KDM2B: variants seen among roughly 807,000 people sequenced by gnomAD.
KDM2B encodes the protein lysine demethylase 2B.
In KDM2B, 26 loss-of-function variants were observed where a neutral mutation model predicts 150.0. The ratio of observed to expected loss-of-function variants is 0.17; its 90% CI spans 0.13 to 0.24. KDM2B has a LOEUF of 0.24. Among genes scored for constraint, KDM2B ranks in the 10% least tolerant of loss-of-function variants. The pLI is 1.00. For synonymous variants in KDM2B, 734 were observed against 729.5 expected, an observed-to-expected ratio of 1.01 and a Z score of -0.10; for missense variants, 1,265 against 1,816.9, an observed-to-expected ratio of 0.70 and a Z score of 5.52.
rs1481723851 is a variant in KDM2B, at chr12:121,518,039, C to T, written c.1047+2946G>A. On this transcript the variant is annotated intron_variant, in intron 9 of 22. Coordinates refer to ENST00000377071, the MANE Select transcript of KDM2B (RefSeq NM_032590.5). The surrounding 1 kb of genome is among the most constrained non-coding windows in gnomAD (Gnocchi z 4.4). ...TCCTGAGTAGCTGGGATTACAGGCACACACCACCATGCTCGGCTAATTTTT... is the reference window on the plus strand; with the variant it reads ...TCCTGAGTAGCTGGGATTACAGGCATACACCACCATGCTCGGCTAATTTTT... Among the ~76,000 whole-genome samples the T allele has an allele frequency of 5.3e-5, 8 of 151,358 alleles. No individual in the cohort carries two copies. Among genetic ancestry groups the T allele is most frequent in the Admixed American group, 3.3e-4 (5 of 15,164 alleles).
In KDM2B at chr12:121,521,665, A is replaced by G. The variant is rs1435065637; in HGVS notation, c.932-565T>C. Reference sequence around the variant, plus strand: ...TTCCATGTGGTCTCCTTGGTCACACAACGCCTGCATGCCCCCCTCAGCTCT... The same window carrying G: ...TTCCATGTGGTCTCCTTGGTCACACGACGCCTGCATGCCCCCCTCAGCTCT... On this transcript the variant is annotated intron_variant, in intron 8 of 22. Coordinates refer to ENST00000377071, the MANE Select transcript of KDM2B (RefSeq NM_032590.5). The surrounding 1 kb of genome is among the most constrained non-coding windows in gnomAD (Gnocchi z 4.9). Among the ~76,000 whole-genome samples, 1 of 152,078 alleles carries G rather than the reference A, an allele frequency of 6.6e-6. No homozygotes were observed. The highest frequency in any genetic ancestry group is 1.5e-5 in the Non-Finnish European group (1 of 68,008).
the KDM2B span, chr12:121,416,062 AG>A: frequency 2.2e-6 from 2 of 929,446 alleles, no homozygotes; most frequent in Admixed American, 4.3e-5. Flanking sequence ...AAAGTTATTG[AG>A]GGCAAACTTA....
intron 4 of KDM2B, among the ~76,000 whole-genome samples, chr12:121,551,605 T>A (rs537627035): frequency 6.6e-6 from 1 of 152,060 alleles, no homozygotes; most frequent in Non-Finnish European, 1.5e-5. Context: ...CAGGTTGGAG[T>A]ATAGTGGCAC....
chr12:121,456,335 A>G (rs1358040071), intron 12 of KDM2B, among the ~76,000 whole-genome samples: 1 of 152,218 alleles, frequency 6.6e-6, no homozygotes, highest in East Asian at 1.9e-4. Flanking sequence ...CTTCCAGAGA[A>G]GCGGAAATCC....
chr12:121,545,039 G>A (rs1888915952), intron 6 of KDM2B, among the ~76,000 whole-genome samples: 1 of 152,284 alleles, frequency 6.6e-6, no homozygotes, highest in African/African-American at 2.4e-5. Context: ...CTTCCCTCAG[G>A]TGTGCTGACA....
At chr12:121,425,850 TC>T (rs1349403692), downstream of KDM2B, among the ~76,000 whole-genome samples, 1 of 151,684 alleles carries the variant, frequency 6.6e-6, no homozygotes, top group Non-Finnish European at 1.5e-5. Context: ...CACTGCAAAT[TC>T]CACCTCCTGG....
rs546173589 is a variant in KDM2B, at chr12:121,536,709, C to T, written c.684-2119G>A. Among the ~76,000 whole-genome samples, 13 of 151,536 alleles carry T rather than the reference C, an allele frequency of 8.6e-5. No individual in the cohort carries two copies. The South Asian group carries it at 2.7e-3, about 32-fold the overall frequency. ...AATCTAACCTTGGTTTCCACCCCCT[C>T]CAGGCCTCAGCTGAACACAGTCTAG... On this transcript the variant is annotated intron_variant, in intron 6 of 22. Coordinates refer to ENST00000377071, the MANE Select transcript of KDM2B (RefSeq NM_032590.5).
chr12:121,448,135 G>A (rs144661346), intron 13 of KDM2B, among the ~76,000 whole-genome samples: 126 of 151,846 alleles, frequency 8.3e-4, no homozygotes, highest in African/African-American at 3.0e-3. Flanking sequence ...CCTGGGCAAC[G>A]TGGCAAAACC....
chr12:121,431,830 G>A (rs1873074093), intron 22 of KDM2B, among the ~76,000 whole-genome samples: 1 of 151,762 alleles, frequency 6.6e-6, no homozygotes, highest in African/African-American at 2.4e-5. Flanking sequence ...GGGAAAACGA[G>A]AGATGCTTCA....
chr12:121,533,482 C>A lies in KDM2B; in HGVS notation c.778-523G>T, dbSNP rs1398666093. ...CAGGCTTATTTTCAAGAAGCACCCA[C>A]CTCCATCAGGGACACCCACATCCCC... On this transcript the variant is annotated intron_variant, in intron 7 of 22. Coordinates refer to ENST00000377071, the MANE Select transcript of KDM2B (RefSeq NM_032590.5). The surrounding 1 kb of genome is among the most constrained non-coding windows in gnomAD (Gnocchi z 4.1). Among the ~76,000 whole-genome samples the A allele has an allele frequency of 7.9e-5, 12 of 152,162 alleles. No individual in the cohort carries two copies. The highest frequency in any genetic ancestry group is 7.9e-4 in the Admixed American group (12 of 15,272).
rs782735271 is a variant in KDM2B at position 121,442,344 on chromosome 12, G to A, written c.3097C>T (p.Pro1033Ser). The A allele has an allele frequency of 3.1e-6, 5 of 1,595,802 alleles. No homozygotes were observed. The highest frequency in any genetic ancestry group is 4.3e-6 in the Non-Finnish European group (5 of 1,169,600). Residue 1033 changes from proline to serine, a missense_variant, in exon 19 of 23, where the codon CCC (proline) becomes TCC (serine). By Grantham distance (74) the Pro-to-Ser change is moderately conservative. This residue lies in a region of KDM2B where 418 missense variants were observed against 402.4 expected (regional missense o/e 1.04). Coordinates refer to ENST00000377071, the MANE Select transcript of KDM2B (RefSeq NM_032590.5). This position sits in a 1 kb window ranked among gnomAD's most constrained non-coding sequence, Gnocchi z 7.7. The part of the protein sequence containing the change: ...ISRPPPSVSP[P>S]KCIQMERHVI... The stretch of plus-strand genomic sequence containing the variant: ...TGGCGCTCCATCTGGATACACTTGG[G>A]CGGGGACACGGAGGGTGGGGGCCGG...
rs180887754 is a variant in KDM2B, at chr12:121,534,158, G to A, written c.777+339C>T. On this transcript the variant is annotated intron_variant, in intron 7 of 22. Transcript: ENST00000377071. ...AGGTCAGGAGATCGAGACCATCCTG[G>A]CTAACACGGTGAAACCCCGTCTCTA... Among the ~76,000 whole-genome samples, 1,032 of 152,238 alleles carry A rather than the reference G, an allele frequency of 6.8e-3. 16 individuals carry two copies. Among genetic ancestry groups the A allele is most frequent in the African/African-American group, 0.023 (964 of 41,538 alleles).
intron 12 of KDM2B, among the ~76,000 whole-genome samples, chr12:121,465,435 T>C (rs112395042): frequency 0.012 from 1,782 of 152,302 alleles, 23 homozygotes; most frequent in African/African-American, 0.04. Context: ...GGTTTCACCA[T>C]GTTGGCCAGG....
rs1390810310 is a variant in KDM2B at position 121,453,628 on chromosome 12, A to T, written c.1735-284T>A. 6.6e-6 allele frequency among the ~76,000 whole-genome samples: 1 copy of T among 152,160 alleles called. No homozygotes were observed. The highest frequency in any genetic ancestry group is 2.4e-5 in the African/African-American group (1 of 41,434). On this transcript the variant is annotated intron_variant, in intron 12 of 22. Transcript: ENST00000377071. This position sits in a 1 kb window ranked among gnomAD's most constrained non-coding sequence, Gnocchi z 6.4. ...ACACGCACGTAGAGAACGTGTGTGA[A>T]GACACAGGCCTTCCACAGACTGGAG...
At chr12:121,410,569 G>GAA in the KDM2B span, among the ~76,000 whole-genome samples, 8 of 147,286 alleles carry the variant, frequency 5.4e-5, no homozygotes, top group African/African-American at 1.7e-4. Context: ...TGCTGGATGG[G>GAA]AAAAAAAAAA....
the KDM2B span, chr12:121,420,434 C>G: frequency 6.4e-7 from 1 of 1,552,200 alleles, no homozygotes; most frequent in South Asian, 1.2e-5. Flanking sequence ...GATGTTTCTT[C>G]TGGTTTGAAT....
At chr12:121,460,218 T>C (rs1200642608) in intron 12 of KDM2B, among the ~76,000 whole-genome samples, 3 of 152,150 alleles carry the variant, frequency 2.0e-5, no homozygotes, top group Non-Finnish European at 4.4e-5. Flanking sequence ...CAGAAATGAG[T>C]AAAATGTGTC....
In KDM2B at chr12:121,578,860, C is replaced by T. The variant is rs1247462856; in HGVS notation, c.213G>A (p.Glu71=). ...GGTACAGCTGGCTGCGAAGCTTCTC[C>T]TCCAGGCTGAAGCCGCGGACGCTGA... ...EIVSVRGFSL[E]EKLRSQLYQG... The change falls in exon 2 of 23, where the codon GAG becomes GAA. Residue 71 remains glutamate, a synonymous_variant. Transcript: ENST00000377071. The T allele has an allele frequency of 1.9e-6, 3 of 1,612,256 alleles. No homozygotes were observed. The highest frequency in any genetic ancestry group is 2.5e-6 in the Non-Finnish European group (3 of 1,179,462).
intron 4 of KDM2B, among the ~76,000 whole-genome samples, chr12:121,565,950 T>C (rs1890674979): frequency 6.7e-6 from 1 of 148,996 alleles, no homozygotes; most frequent in Admixed American, 6.7e-5. Flanking sequence ...TTTTTTTTAA[T>C]AATAATAACA....
Sources: gnomAD v4.1 joint callset for allele counts (sites outside exome capture counted in the v4.1 genomes callset) on GRCh38, gnomAD v4.1.1 for gene constraint, gnomAD v4.1.1 regional missense constraint, Gnocchi (gnomAD v3.1) non-coding constraint, MANE v1.5 for transcripts, NCBI Gene and HGNC (gene_info 2026-07-23, HGNC 2026-07-21) for gene names.